The following COX7B2 variants were observed in gnomAD, a reference collection of about 807,000 sequenced individuals.
COX7B2 encodes the protein cytochrome c oxidase subunit 7B2, mitochondrial.
For missense variants in COX7B2, 109 were observed against 95.9 expected, an observed-to-expected ratio of 1.14 and a Z score of -0.57; for synonymous variants, 37 against 32.1, an observed-to-expected ratio of 1.15 and a Z score of -0.51.
At chr4:46,883,665 G>T (rs1217115744) in intron 1 of COX7B2, among the ~76,000 whole-genome samples, 1 of 151,912 alleles carries the variant, frequency 6.6e-6, no homozygotes, top group South Asian at 2.1e-4. Flanking sequence ...TTGAACCTGG[G>T]ATGTCAATGT....
intron 2 of COX7B2, among the ~76,000 whole-genome samples, chr4:46,754,733 T>TATATATATATATATATATATGAAAGAA: frequency 8.0e-6 from 1 of 125,320 alleles, no homozygotes; most frequent in Non-Finnish European, 1.7e-5. Flanking sequence ...TGTGTGTATA[T>TATATATATATATATATATATGAAAGAA]ATATATATAT....
chr4:46,812,643 G>A (rs1029186216), intron 2 of COX7B2, among the ~76,000 whole-genome samples: 3 of 152,184 alleles, frequency 2.0e-5, no homozygotes, highest in Admixed American at 6.5e-5. Flanking sequence ...CAGAAGAGGG[G>A]GGATGTCTTG....
intron 2 of COX7B2, among the ~76,000 whole-genome samples, chr4:46,821,231 G>A (rs73245867): frequency 4.6e-5 from 7 of 152,226 alleles, no homozygotes; most frequent in African/African-American, 9.6e-5. Flanking sequence ...CTTGAAAGAC[G>A]CACCAGAGAG....
At chr4:46,870,913 A>G (rs910758753) in intron 1 of COX7B2, among the ~76,000 whole-genome samples, 1 of 152,112 alleles carries the variant, frequency 6.6e-6, no homozygotes, top group African/African-American at 2.4e-5. Context: ...CATACTGCCC[A>G]AAGAAATTTA....
intron 2 of COX7B2, among the ~76,000 whole-genome samples, chr4:46,819,259 C>T (rs945072332): frequency 1.1e-4 from 17 of 152,044 alleles, no homozygotes; most frequent in Admixed American, 1.3e-4. Context: ...AACCCTTTAG[C>T]GGAACCACCT....
In COX7B2 at chr4:46,844,971, C is replaced by A. The variant is rs981796455; in HGVS notation, c.-61G>T. 1 of 151,910 alleles carries A rather than the reference C, an allele frequency of 6.6e-6. No individual in the cohort carries two copies. Among genetic ancestry groups the A allele is most frequent in the Non-Finnish European group, 1.5e-5 (1 of 67,946 alleles). The allele number at this position is 151,910 out of a possible 1,614,324, so 9.4% of individuals were successfully genotyped here. A position where few individuals can be genotyped will look rare whatever the true frequency, so the allele number is the denominator to read the frequency against. ...TATTTTCTCGTTACCTGTTAGAAAT[C>A]TGAAGCTCAAATGCTCTCCTCAGAA... On this transcript the variant is annotated 5_prime_UTR_variant, in exon 2 of 3. Transcript: ENST00000355591.
At chr4:46,866,680 G>T (rs2109813143) in intron 1 of COX7B2, among the ~76,000 whole-genome samples, 1 of 152,148 alleles carries the variant, frequency 6.6e-6, no homozygotes. Flanking sequence ...TCAAACCCCA[G>T]AATCATTGGC....
At chr4:46,885,216 G>T (rs1719011117) in intron 1 of COX7B2, among the ~76,000 whole-genome samples, 1 of 151,726 alleles carries the variant, frequency 6.6e-6, no homozygotes, top group Admixed American at 6.6e-5. Context: ...AATATATAAG[G>T]CACTACTGGA....
At chr4:46,874,312 C>T (rs1168786551) in intron 1 of COX7B2, among the ~76,000 whole-genome samples, 1 of 152,140 alleles carries the variant, frequency 6.6e-6, no homozygotes, top group Non-Finnish European at 1.5e-5. Flanking sequence ...TTAAGAACCA[C>T]AAAATATGCT....
intron 2 of COX7B2, among the ~76,000 whole-genome samples, chr4:46,783,847 G>A (rs746396917): frequency 2.0e-5 from 3 of 152,172 alleles, no homozygotes; most frequent in East Asian, 1.9e-4. Flanking sequence ...AAAGTTGGGG[G>A]TGGTACCTGC....
At chr4:46,740,562 G>A (rs976981127) in intron 2 of COX7B2, among the ~76,000 whole-genome samples, 3 of 152,028 alleles carry the variant, frequency 2.0e-5, no homozygotes, top group African/African-American at 7.2e-5. Flanking sequence ...TCCTGTAGGT[G>A]AGGAGAAACT....
chr4:46,761,924 CTT>C (rs34710310), intron 2 of COX7B2, among the ~76,000 whole-genome samples: 2 of 146,352 alleles, frequency 1.4e-5, no homozygotes, highest in Admixed American at 6.9e-5. Flanking sequence ...CACCTACTGT[CTT>C]TTTTTTTTTA....
At chr4:46,757,232 C>G (rs1395655853) in intron 2 of COX7B2, among the ~76,000 whole-genome samples, 1 of 149,216 alleles carries the variant, frequency 6.7e-6, no homozygotes, top group South Asian at 2.2e-4. Flanking sequence ...ATTATATGTT[C>G]TCACTTATAA....
chr4:46,812,409 G>A (rs2109665222), intron 2 of COX7B2, among the ~76,000 whole-genome samples: 1 of 152,032 alleles, frequency 6.6e-6, no homozygotes, highest in Non-Finnish European at 1.5e-5. Context: ...TCAGGCCCCA[G>A]AAACTTGGGC....
chr4:46,848,058 T>G lies in COX7B2; in HGVS notation c.-104-3044A>C, dbSNP rs189802209. On this transcript the variant is annotated intron_variant, in intron 1 of 2. Coordinates refer to ENST00000355591, the MANE Select transcript of COX7B2 (RefSeq NM_130902.3). ...CATATAAAGATTTACAGCTGATTTATCACAGATGAATTTTTTGGGGAGTGG... is the reference window on the plus strand; with the variant it reads ...CATATAAAGATTTACAGCTGATTTAGCACAGATGAATTTTTTGGGGAGTGG... Among the ~76,000 whole-genome samples the G allele has an allele frequency of 7.7e-3, 1,171 of 152,128 alleles. 17 individuals carry two copies. Among genetic ancestry groups the G allele is most frequent in the African/African-American group, 0.027 (1,128 of 41,536 alleles).
intron 2 of COX7B2, among the ~76,000 whole-genome samples, chr4:46,803,032 T>C (rs1040711783): frequency 4.6e-5 from 7 of 152,186 alleles, no homozygotes; most frequent in Non-Finnish European, 1.0e-4. Flanking sequence ...GTAGATTCCA[T>C]AAACCTCCTT....
At chr4:46,845,287 T>C (rs1716192983) in intron 1 of COX7B2, among the ~76,000 whole-genome samples, 1 of 151,912 alleles carries the variant, frequency 6.6e-6, no homozygotes, top group South Asian at 2.1e-4. Flanking sequence ...GTGGTTGAGA[T>C]AACTCTCTTT....
chr4:46,828,876 A>C (rs1196624922), intron 2 of COX7B2, among the ~76,000 whole-genome samples: 1 of 152,158 alleles, frequency 6.6e-6, no homozygotes, highest in Non-Finnish European at 1.5e-5. Flanking sequence ...AAAATATAAG[A>C]GAGCCCTTGT....
chr4:46,803,981 T>A (rs558508859), intron 2 of COX7B2, among the ~76,000 whole-genome samples: 1 of 152,222 alleles, frequency 6.6e-6, no homozygotes, highest in Admixed American at 6.5e-5. Flanking sequence ...ACCCTTGCAG[T>A]GTTACAGTTC....
Sources: gnomAD v4.1 joint callset for allele counts (sites outside exome capture counted in the v4.1 genomes callset) on GRCh38, gnomAD v4.1.1 for gene constraint, MANE v1.5 for transcripts, NCBI Gene and HGNC (gene_info 2026-07-23, HGNC 2026-07-21) for gene names.